The following ELMO1 variants were observed in gnomAD, a reference collection of about 807,000 sequenced individuals.
The protein encoded by ELMO1 is engulfment and cell motility 1, also known as engulfment and cell motility protein 1.
Under a neutral mutation model 98.9 loss-of-function variants are expected in ELMO1, and 26 were observed. The observed-to-expected ratio is 0.26, with a 90% confidence interval of 0.19 to 0.36. The LOEUF (loss-of-function observed/expected upper bound fraction) is 0.36. ELMO1 is among the 10% of genes least tolerant of loss of function. ELMO1 has a pLI of 1.00. For synonymous variants in ELMO1, 346 were observed against 346.0 expected, an observed-to-expected ratio of 1.00 and a Z score of 0.00; for missense variants, 627 against 935.2, an observed-to-expected ratio of 0.67 and a Z score of 4.30.
intron 2 of ELMO1, among the ~76,000 whole-genome samples, chr7:37,326,738 A>C (rs1339722045): frequency 6.6e-6 from 1 of 152,162 alleles, no homozygotes; most frequent in Admixed American, 6.5e-5. Context: ...AAATCACTAA[A>C]CTATGAAGAT....
At chr7:36,951,246 C>T (rs541654008) in intron 16 of ELMO1, among the ~76,000 whole-genome samples, 1 of 152,170 alleles carries the variant, frequency 6.6e-6, no homozygotes, top group Non-Finnish European at 1.5e-5. Flanking sequence ...CAAGGCATTG[C>T]TTAAGATGCT....
rs1372103744 is a variant in ELMO1 at position 37,169,334 on chromosome 7, T to C, written c.1087-36100A>G. On this transcript the variant is annotated intron_variant, in intron 13 of 21. Coordinates refer to ENST00000310758, the MANE Select transcript of ELMO1 (RefSeq NM_014800.11). Reference sequence around the variant, plus strand: ...TCGCCCTGCTTCGGCTCGTGCATCGTGCACTGCACCCAATGACCTGCGCCC... The same window carrying C: ...TCGCCCTGCTTCGGCTCGTGCATCGCGCACTGCACCCAATGACCTGCGCCC... Among the ~76,000 whole-genome samples the C allele has an allele frequency of 2.0e-5, 3 of 152,318 alleles. No individual in the cohort carries two copies. In the East Asian group the frequency reaches 5.8e-4, roughly 29 times the overall value.
rs1802061652 is a variant in ELMO1, at chr7:36,854,553, A to C, written c.*998T>G. On this transcript the variant is annotated 3_prime_UTR_variant, in exon 22 of 22. Transcript: ENST00000310758. Reference sequence around the variant, plus strand: ...AAAAACAAAGCAAAAAAAAAAAAAAAAACTAACCCAAAACTCTTGCAAATT... The same window carrying C: ...AAAAACAAAGCAAAAAAAAAAAAAACAACTAACCCAAAACTCTTGCAAATT... 1 of 151,576 alleles carries C rather than the reference A, an allele frequency of 6.6e-6. No homozygotes were observed. Among genetic ancestry groups the C allele is most frequent in the Admixed American group, 6.6e-5 (1 of 15,212 alleles). 9.4% of individuals were successfully genotyped at this position (151,576 alleles called of 1,614,324 possible). A position where few individuals can be genotyped will look rare whatever the true frequency, so the allele number is the denominator to read the frequency against.
chr7:36,952,727 CAG>C (rs1788071475), intron 16 of ELMO1, among the ~76,000 whole-genome samples: 1 of 152,022 alleles, frequency 6.6e-6, no homozygotes, highest in Admixed American at 6.6e-5. Flanking sequence ...TTTTCCATCA[CAG>C]AGTCTCAAGA....
chr7:37,114,580 C>T (rs1785455084), intron 14 of ELMO1, among the ~76,000 whole-genome samples: 1 of 152,092 alleles, frequency 6.6e-6, no homozygotes, highest in African/African-American at 2.4e-5. Flanking sequence ...TTTAGCCATG[C>T]TGAACCCCTA....
In ELMO1 at chr7:37,286,653, C is replaced by A. The variant is rs1165749314; in HGVS notation, c.193-14771G>T. ...CACTCCAAAAGAAATGGAAAATCTG[C>A]CAAAGAAGGAGGGAGAGAAGGGAGA... On this transcript the variant is annotated intron_variant, in intron 4 of 21. Transcript: ENST00000310758. Among the ~76,000 whole-genome samples, 3 of 151,948 alleles carry A rather than the reference C, an allele frequency of 2.0e-5. No homozygotes were observed. In the East Asian group the frequency reaches 5.8e-4, roughly 29 times the overall value.
At chr7:37,427,614 T>C (rs554713238) in intron 1 of ELMO1, among the ~76,000 whole-genome samples, 14 of 152,364 alleles carry the variant, frequency 9.2e-5, no homozygotes, top group Middle Eastern at 3.4e-3. Context: ...TTGAGCCTTT[T>C]CAAAAGTAAA....
rs562141287 is a variant in ELMO1 at position 37,169,026 on chromosome 7, A to G, written c.1087-35792T>C. 3.3e-5 allele frequency among the ~76,000 whole-genome samples: 5 copies of G among 151,908 alleles called. No individual in the cohort carries two copies. In the East Asian group the frequency reaches 9.7e-4, roughly 30 times the overall value. On this transcript the variant is annotated intron_variant, in intron 13 of 21. Coordinates refer to ENST00000310758, the MANE Select transcript of ELMO1 (RefSeq NM_014800.11). ...AGCTTCCCGGCTGCTTTGTTTACCT[A>G]AGCAAGCCTGGGCAATGGCGGGCAC...
chr7:36,915,781 C>T (rs994276821), intron 16 of ELMO1, among the ~76,000 whole-genome samples: 46 of 152,292 alleles, frequency 3.0e-4, no homozygotes, highest in African/African-American at 8.7e-4. Context: ...AGCCAGAAAC[C>T]AGAGATGATG....
At chr7:37,448,447 C>T (rs1805748974) in intron 1 of ELMO1, among the ~76,000 whole-genome samples, 1 of 152,102 alleles carries the variant, frequency 6.6e-6, no homozygotes, top group African/African-American at 2.4e-5. Flanking sequence ...GCTCAGACTT[C>T]CCCAACTGCA....
chr7:37,167,013 TG>T (rs1202868073), intron 13 of ELMO1, among the ~76,000 whole-genome samples: 1 of 152,118 alleles, frequency 6.6e-6, no homozygotes, highest in Non-Finnish European at 1.5e-5. Context: ...TTTATGAATC[TG>T]GGTGCTCCTG....
At chr7:37,218,884 T>C (rs894510480) in intron 10 of ELMO1, among the ~76,000 whole-genome samples, 2 of 152,254 alleles carry the variant, frequency 1.3e-5, no homozygotes, top group South Asian at 4.1e-4. Context: ...TTTTCTGATT[T>C]TTCTACCAAA....
At chr7:36,961,008 C>G (rs953797054) in intron 16 of ELMO1, among the ~76,000 whole-genome samples, 1 of 152,150 alleles carries the variant, frequency 6.6e-6, no homozygotes, top group African/African-American at 2.4e-5. Flanking sequence ...AACAAACTCT[C>G]GGCTCCTTAA....
intron 4 of ELMO1, among the ~76,000 whole-genome samples, chr7:37,282,052 C>T (rs1489439528): frequency 6.6e-6 from 1 of 152,088 alleles, no homozygotes; most frequent in Non-Finnish European, 1.5e-5. Flanking sequence ...TAAGATGGCA[C>T]AGAAAAATGT....
At chr7:37,122,944 C>A (rs2129289534) in intron 14 of ELMO1, among the ~76,000 whole-genome samples, 1 of 152,268 alleles carries the variant, frequency 6.6e-6, no homozygotes. Flanking sequence ...TCTCTCAGAC[C>A]ACAGTGCAAC....
intron 15 of ELMO1, among the ~76,000 whole-genome samples, chr7:37,092,303 C>G (rs2129250269): frequency 6.6e-6 from 1 of 151,412 alleles, no homozygotes; most frequent in East Asian, 1.9e-4. Context: ...CCCTCCTCAC[C>G]TAACTTTCAG....
intron 15 of ELMO1, among the ~76,000 whole-genome samples, chr7:37,052,457 C>T (rs1251535104): frequency 6.6e-6 from 1 of 152,080 alleles, no homozygotes; most frequent in Non-Finnish European, 1.5e-5. Context: ...CTCATCGAAC[C>T]CTTAAGGCCC....
At chr7:37,380,523 T>C (rs1802539369) in intron 1 of ELMO1, among the ~76,000 whole-genome samples, 2 of 152,244 alleles carry the variant, frequency 1.3e-5, no homozygotes, top group South Asian at 4.1e-4. Context: ...CCTGGCATAA[T>C]GACTGATAAT....
At chr7:37,013,678 T>C (rs1457891173) in intron 15 of ELMO1, 2 of 448,992 alleles carry the variant, frequency 4.5e-6, no homozygotes, top group East Asian at 3.9e-5. Context: ...AGTCAGTCCC[T>C]AACCCATGCC....
Sources: gnomAD v4.1 joint callset for allele counts (sites outside exome capture counted in the v4.1 genomes callset) on GRCh38, gnomAD v4.1.1 for gene constraint, MANE v1.5 for transcripts, NCBI Gene and HGNC (gene_info 2026-07-23, HGNC 2026-07-21) for gene names.